The following HERC3 variants were observed in gnomAD, a reference collection of about 807,000 sequenced individuals.
HERC3 encodes HECT and RLD domain containing E3 ubiquitin protein ligase 3.
A neutral mutation model predicts 129.9 loss-of-function variants in HERC3; 58 were observed. The observed-to-expected ratio is 0.45, with a 90% CI of 0.36 to 0.56. The LOEUF (loss-of-function observed/expected upper bound fraction) is 0.56, where lower values mean the gene tolerates loss of function less well. HERC3 is among the 20% of genes least tolerant of loss of function. The pLI is 0.00. For synonymous variants in HERC3, 430 were observed against 451.0 expected (o/e 0.95, Z 0.59); for missense variants, 835 against 1,244.2 (o/e 0.67, Z 4.95).
chr4:88,565,660 CT>C, the HERC3 span, among the ~76,000 whole-genome samples: 5 of 151,906 alleles, frequency 3.3e-5, no homozygotes, highest in Middle Eastern at 6.8e-3. Context: ...ATTGCCAGGT[CT>C]TTTTTTTATT....
At chr4:88,583,439 C>CAA in the HERC3 span, among the ~76,000 whole-genome samples, 2 of 122,178 alleles carry the variant, frequency 1.6e-5, no homozygotes, top group African/African-American at 6.0e-5. Context: ...GACTCCTTCT[C>CAA]AAAAAAAAAA....
At chr4:88,679,704 G>C (rs1732556677) in intron 19 of HERC3, among the ~76,000 whole-genome samples, 1 of 152,026 alleles carries the variant, frequency 6.6e-6, no homozygotes. Context: ...TTTTAGTAGA[G>C]ACAGGTTTTC....
In HERC3 at chr4:88,609,305, C is replaced by A. The variant is rs567190761; in HGVS notation, c.226+3256C>A. 3.2e-3 allele frequency among the ~76,000 whole-genome samples: 480 copies of A among 151,856 alleles called. 1 individual carries two copies. The highest frequency in any genetic ancestry group is 0.013 in the South Asian group (61 of 4,794). On this transcript the variant is annotated intron_variant, in intron 3 of 25. Coordinates refer to ENST00000402738, the MANE Select transcript of HERC3 (RefSeq NM_014606.3). ...CTCAAAACAAAACAAACAACAACAACAAAAAACCCCAAAATAAATAAATAA... is the reference window on the plus strand; with the variant it reads ...CTCAAAACAAAACAAACAACAACAAAAAAAAACCCCAAAATAAATAAATAA...
In HERC3 at chr4:88,604,094, C is replaced by T. The variant is rs143370653; in HGVS notation, c.-29-1701C>T. On this transcript the variant is annotated intron_variant, in intron 2 of 25. Transcript: ENST00000402738. ...GGAGTGCAATGGCGTGACCTCAGCTCACTGCAACCTCTGCCTCCCGGATTC... is the reference window on the plus strand; with the variant it reads ...GGAGTGCAATGGCGTGACCTCAGCTTACTGCAACCTCTGCCTCCCGGATTC... Among the ~76,000 whole-genome samples the T allele has an allele frequency of 7.1e-3, 1,083 of 151,928 alleles. 18 individuals are homozygous for T. Among genetic ancestry groups the T allele is most frequent in the African/African-American group, 0.025 (1,020 of 41,394 alleles).
chr4:88,666,448 TAAC>T (rs752014700), intron 12 of HERC3, among the ~76,000 whole-genome samples: 1 of 152,124 alleles, frequency 6.6e-6, no homozygotes, highest in Non-Finnish European at 1.5e-5. Context: ...TTAAAAACAA[TAAC>T]AACAACAACG....
At chr4:88,704,028 G>T in intron 23 of HERC3, 70 bp from the exon 24 acceptor site, 3 of 1,365,498 alleles carry the variant, frequency 2.2e-6, no homozygotes, top group Non-Finnish European at 3.1e-6. Flanking sequence ...CCCAATCTCA[G>T]TGTAGAAGGG....
intron 10 of HERC3, among the ~76,000 whole-genome samples, chr4:88,661,047 A>G (rs1730443066): frequency 1.3e-5 from 2 of 152,194 alleles, no homozygotes; most frequent in Non-Finnish European, 2.9e-5. Context: ...CACCCAAGGC[A>G]TCTCTGGTTT....
At chr4:88,657,804 T>C (rs1314616236) in intron 9 of HERC3, among the ~76,000 whole-genome samples, 2 of 150,224 alleles carry the variant, frequency 1.3e-5, no homozygotes, top group African/African-American at 4.9e-5. Flanking sequence ...TGTGAGGGAG[T>C]TGGTGTGAGC....
At chr4:88,656,690 T>A (rs906323664) in intron 9 of HERC3, 1 of 152,274 alleles carries the variant, frequency 6.6e-6, no homozygotes, top group African/African-American at 2.4e-5. Context: ...CCACAGACCT[T>A]GGTGGTGGTG....
intron 25 of HERC3, 60 bp from the exon 26 acceptor site, chr4:88,706,692 G>A: frequency 7.2e-7 from 1 of 1,391,158 alleles, no homozygotes; most frequent in Admixed American, 1.8e-5. Flanking sequence ...TTGCCAGAAG[G>A]ATCTCTGAGA....
chr4:88,539,321 GCACAGCA>G, the HERC3 span, among the ~76,000 whole-genome samples: 1 of 152,150 alleles, frequency 6.6e-6, no homozygotes, highest in Non-Finnish European at 1.5e-5. Context: ...CTCACTGCTA[GCACAGCA>G]GTCTGAAATC....
intron 19 of HERC3, among the ~76,000 whole-genome samples, chr4:88,679,175 G>T (rs147112220): frequency 6.6e-6 from 1 of 152,184 alleles, no homozygotes; most frequent in African/African-American, 2.4e-5. Flanking sequence ...GGTTTACAGA[G>T]TTTAACAGCT....
chr4:88,574,929 C>T, the HERC3 span, among the ~76,000 whole-genome samples: 1 of 152,046 alleles, frequency 6.6e-6, no homozygotes, highest in Admixed American at 6.6e-5. Context: ...GGTAAATACC[C>T]AGGAGTAGAA....
At chr4:88,646,340 CCTAA>C (rs1013598267) in intron 3 of HERC3, among the ~76,000 whole-genome samples, 3 of 152,094 alleles carry the variant, frequency 2.0e-5, no homozygotes, top group African/African-American at 7.2e-5. Flanking sequence ...TAGAACTAAC[CCTAA>C]TAATGCAAGT....
chr4:88,665,340 C>T (rs1730937641), intron 12 of HERC3, among the ~76,000 whole-genome samples: 1 of 152,152 alleles, frequency 6.6e-6, no homozygotes, highest in East Asian at 1.9e-4. Flanking sequence ...GTGTAACTCT[C>T]AGTCTGAGGC....
chr4:88,597,763 G>A (rs1431672859), intron 2 of HERC3, among the ~76,000 whole-genome samples: 1 of 152,208 alleles, frequency 6.6e-6, no homozygotes. Context: ...AAGGGTAGGA[G>A]TGTTTCCTGT....
chr4:88,676,180 CA>C (rs778728580), intron 16 of HERC3, 37 bp from the exon 17 acceptor site: 2 of 1,457,616 alleles, frequency 1.4e-6, no homozygotes, highest in South Asian at 2.4e-5. Context: ...TCAGGGTTTA[CA>C]ATTTAAGTAA....
intron 23 of HERC3, chr4:88,697,477 T>G: frequency 1.2e-6 from 2 of 1,614,194 alleles, no homozygotes; most frequent in Non-Finnish European, 1.7e-6. Flanking sequence ...GGCTTCTATC[T>G]TATCGCATCG....
chr4:88,605,352 G>C (rs1331763172), intron 2 of HERC3, among the ~76,000 whole-genome samples: 1 of 152,166 alleles, frequency 6.6e-6, no homozygotes, highest in Non-Finnish European at 1.5e-5. Context: ...GTACCTAAAG[G>C]AGTTAATTGG....
Sources: allele counts gnomAD v4.1 joint callset (sites outside exome capture counted in the v4.1 genomes callset), GRCh38; gene constraint gnomAD v4.1.1; transcripts MANE v1.5; gene names NCBI Gene and HGNC (gene_info 2026-07-23, HGNC 2026-07-21).